The following SAMMSON variants were observed in gnomAD, a reference collection of about 807,000 sequenced individuals.
SAMMSON encodes the protein long intergenic non-protein coding RNA 1212.
chr3:70,110,859 A>G (rs2067385408), intron 4 of SAMMSON, among the ~76,000 whole-genome samples: 1 of 152,186 alleles, frequency 6.6e-6, no homozygotes, highest in Non-Finnish European at 1.5e-5. Flanking sequence ...GACAGTCCTT[A>G]GGATGATCTT....
chr3:70,326,248 T>C (rs1273450185), intron 7 of SAMMSON, among the ~76,000 whole-genome samples: 1 of 152,140 alleles, frequency 6.6e-6, no homozygotes, highest in East Asian at 1.9e-4. Flanking sequence ...AGATTCTTAA[T>C]ATAGGCTGCA....
chr3:70,295,402 G>A (rs982105653), intron 7 of SAMMSON, among the ~76,000 whole-genome samples: 3 of 152,024 alleles, frequency 2.0e-5, no homozygotes, highest in African/African-American at 7.2e-5. Flanking sequence ...ATTCCCAAAG[G>A]CTTACATACC....
intron 9 of SAMMSON, among the ~76,000 whole-genome samples, chr3:70,388,151 A>G (rs1269282991): frequency 6.6e-6 from 1 of 152,176 alleles, no homozygotes; most frequent in Non-Finnish European, 1.5e-5. Context: ...TAATATAGGC[A>G]TCTGCCTGTT....
chr3:70,061,594 T>TCAATCCCCACCATGCCC (rs1435071665), intron 3 of SAMMSON, among the ~76,000 whole-genome samples: 1 of 152,068 alleles, frequency 6.6e-6, no homozygotes, highest in East Asian at 1.9e-4. Context: ...CCAGTTTGCC[T>TCAATCCCCACCATGCCC]CAATCCCCAC....
At chr3:70,192,149 C>A (rs1047074031) in intron 4 of SAMMSON, among the ~76,000 whole-genome samples, 2 of 152,130 alleles carry the variant, frequency 1.3e-5, no homozygotes, top group Non-Finnish European at 2.9e-5. Flanking sequence ...TCTCGCCCTC[C>A]CACTTACCCC....
chr3:70,050,707 A>G (rs1231495850), intron 3 of SAMMSON, among the ~76,000 whole-genome samples: 2 of 152,054 alleles, frequency 1.3e-5, no homozygotes, highest in Non-Finnish European at 2.9e-5. Context: ...TCAGTGATCA[A>G]TGATCAGTTG....
At chr3:70,263,685 C>T (rs1047854413) in intron 6 of SAMMSON, among the ~76,000 whole-genome samples, 1 of 152,142 alleles carries the variant, frequency 6.6e-6, no homozygotes, top group Non-Finnish European at 1.5e-5. Context: ...ATTTATCTAC[C>T]GAGCTCCCTT....
chr3:70,006,463 AAGTAAGT>A (rs1461433843), intron 1 of SAMMSON, among the ~76,000 whole-genome samples: 1 of 152,166 alleles, frequency 6.6e-6, no homozygotes, highest in Non-Finnish European at 1.5e-5. Flanking sequence ...CTCAGAGATG[AAGTAAGT>A]AGTCCAAGGA....
At chr3:70,231,484 C>T (rs866969086) in intron 4 of SAMMSON, among the ~76,000 whole-genome samples, 2 of 152,282 alleles carry the variant, frequency 1.3e-5, no homozygotes, top group East Asian at 1.9e-4. Context: ...TCACACGTGC[C>T]GCGTACTCTT....
intron 4 of SAMMSON, among the ~76,000 whole-genome samples, chr3:70,129,472 G>A (rs2067472836): frequency 6.6e-6 from 1 of 152,160 alleles, no homozygotes; most frequent in South Asian, 2.1e-4. Flanking sequence ...GATAGTATAT[G>A]TTTGACATGG....
intron 4 of SAMMSON, among the ~76,000 whole-genome samples, chr3:70,140,695 G>A (rs2106680520): frequency 6.6e-6 from 1 of 152,248 alleles, no homozygotes; most frequent in Non-Finnish European, 1.5e-5. Flanking sequence ...GGTTTCCTCA[G>A]CCAAATATCC....
chr3:70,301,226 C>G (rs1702345878), intron 7 of SAMMSON, among the ~76,000 whole-genome samples: 1 of 151,848 alleles, frequency 6.6e-6, no homozygotes, highest in Non-Finnish European at 1.5e-5. Context: ...TTGTTTTAGC[C>G]CAAACCTACT....
intron 7 of SAMMSON, among the ~76,000 whole-genome samples, chr3:70,303,048 A>G (rs1702365837): frequency 6.6e-6 from 1 of 152,196 alleles, no homozygotes; most frequent in Non-Finnish European, 1.5e-5. Context: ...TTGACATTTG[A>G]ACTTCAGTAG....
chr3:70,082,730 T>TAAAACAG (rs899835635), intron 4 of SAMMSON, among the ~76,000 whole-genome samples: 5 of 152,344 alleles, frequency 3.3e-5, no homozygotes, highest in Non-Finnish European at 7.3e-5. Context: ...GCCTTATCTG[T>TAAAACAG]AAAACAGGAC....
chr3:70,315,378 A>AC (rs1281119897), intron 7 of SAMMSON, among the ~76,000 whole-genome samples: 1 of 152,080 alleles, frequency 6.6e-6, no homozygotes, highest in Non-Finnish European at 1.5e-5. Flanking sequence ...TGCATTCTGA[A>AC]CAGCAACATT....
At chr3:70,160,214 A>C (rs1056165590) in intron 4 of SAMMSON, among the ~76,000 whole-genome samples, 1 of 144,964 alleles carries the variant, frequency 6.9e-6, no homozygotes, top group Non-Finnish European at 1.5e-5. Flanking sequence ...CAAAAAAAAA[A>C]ACCTTGCCTA....
chr3:70,006,271 T>C (rs2066925998), intron 1 of SAMMSON, among the ~76,000 whole-genome samples: 1 of 152,218 alleles, frequency 6.6e-6, no homozygotes, highest in Non-Finnish European at 1.5e-5. Flanking sequence ...GCAGCTGTGC[T>C]CTCACACATT....
chr3:70,377,730 G>A (rs539054276), intron 9 of SAMMSON, among the ~76,000 whole-genome samples: 1 of 152,030 alleles, frequency 6.6e-6, no homozygotes, highest in Non-Finnish European at 1.5e-5. Context: ...AACACATATG[G>A]CAGAAAAAGA....
At chr3:70,019,481 C>T (rs1489527354) in intron 3 of SAMMSON, among the ~76,000 whole-genome samples, 1 of 152,172 alleles carries the variant, frequency 6.6e-6, no homozygotes, top group African/African-American at 2.4e-5. Context: ...TGTGTCTCTG[C>T]ACTTGAGATG....
Sources: gnomAD v4.1 joint callset for allele counts (sites outside exome capture counted in the v4.1 genomes callset) on GRCh38, gnomAD v4.1.1 for gene constraint, MANE v1.5 for transcripts, NCBI Gene and HGNC (gene_info 2026-07-23, HGNC 2026-07-21) for gene names.